Variants in PLA2R1 observed in about 807,000 individuals in gnomAD.
The protein encoded by PLA2R1 is phospholipase A2 receptor 1, also known as secretory phospholipase A2 receptor.
Under a neutral mutation model 195.9 loss-of-function variants are expected in PLA2R1, and 158 were observed. That is an observed-to-expected ratio of 0.81 (90% CI 0.71 to 0.92). PLA2R1 has a LOEUF of 0.92. PLA2R1 is among the 40% of genes least tolerant of loss of function. PLA2R1 has a pLI of 0.00. For synonymous variants in PLA2R1, 586 were observed against 598.2 expected, an observed-to-expected ratio of 0.98 and a Z score of 0.30; for missense variants, 1,626 against 1,764.6, an observed-to-expected ratio of 0.92 and a Z score of 1.41.
chr2:159,970,210 T>C lies in PLA2R1; in HGVS notation c.2598A>G (p.Leu866=), dbSNP rs781644809. 5 of 1,607,012 alleles carry C rather than the reference T, an allele frequency of 3.1e-6. No individual in the cohort carries two copies. The highest frequency in any genetic ancestry group is 1.1e-5 in the South Asian group (1 of 90,292). Residue 866 remains leucine (L), a splice_region_variant and synonymous_variant, in exon 18 of 30, where the codon CTA becomes CTG. Coordinates refer to ENST00000283243, the MANE Select transcript of PLA2R1 (RefSeq NM_007366.5). ...TCCACCAACTTGCACCATACTTTGA[T>C]AGCTATTGAAAGAAAAAAAGTCAGC... ...QEFIHSKIKA[L]SKYGASWWIG...
At chr2:160,024,841 G>A (rs1693395013) in intron 6 of PLA2R1, among the ~76,000 whole-genome samples, 1 of 152,196 alleles carries the variant, frequency 6.6e-6, no homozygotes. Flanking sequence ...TTCCCAGGGA[G>A]AGGAGTCATC....
chr2:159,976,533 T>C (rs1045400296), intron 16 of PLA2R1, 152 bp downstream of exon 16: 1 of 613,024 alleles, frequency 1.6e-6, no homozygotes, highest in Admixed American at 3.1e-5. Context: ...CTACATTTAT[T>C]AATTATTAAT....
chr2:160,042,303 G>T, intron 2 of PLA2R1, 105 bp from the exon 3 acceptor site: 1 of 892,636 alleles, frequency 1.1e-6, no homozygotes. Flanking sequence ...CCCTCTTGGG[G>T]CAGATACTCA....
At chr2:160,050,105 A>G (rs371867150) in intron 1 of PLA2R1, among the ~76,000 whole-genome samples, 6 of 152,260 alleles carry the variant, frequency 3.9e-5, no homozygotes, top group East Asian at 3.8e-4. Flanking sequence ...TGCATCCCAG[A>G]ACTTAAAACA....
At position 159,937,730 on chromosome 2, in the gene PLA2R1, C is replaced by T. The variant is rs1686900335; in HGVS notation, c.*4048G>A. 6.6e-6 allele frequency: 1 copy of T among 152,228 alleles called. No homozygotes were observed. Among genetic ancestry groups the T allele is most frequent in the Admixed American group, 6.5e-5 (1 of 15,282 alleles). 9.4% of individuals were successfully genotyped at this position (152,228 alleles called of 1,614,324 possible). ...TGAAAGTAGCACTCCAGCTGTTCCACTGTATAATACATATTAATTCAGAAT... is the reference window on the plus strand; with the variant it reads ...TGAAAGTAGCACTCCAGCTGTTCCATTGTATAATACATATTAATTCAGAAT... On this transcript the variant is annotated 3_prime_UTR_variant, in exon 30 of 30. Transcript: ENST00000283243.
At chr2:160,047,939 T>G (rs548570957) in intron 1 of PLA2R1, among the ~76,000 whole-genome samples, 395 of 152,278 alleles carry the variant, frequency 2.6e-3, no homozygotes, top group African/African-American at 9.1e-3. Context: ...GATCCTCCCA[T>G]CTCAGCCTCC....
chr2:159,994,354 AAC>A (rs1488530952), intron 11 of PLA2R1, among the ~76,000 whole-genome samples: 1 of 152,110 alleles, frequency 6.6e-6, no homozygotes, highest in Non-Finnish European at 1.5e-5. Flanking sequence ...AGGGGCAGGA[AAC>A]ACAGAGATGA....
Position 159,956,560 on chromosome 2 carries a change from C to A in PLA2R1, c.2972G>T (p.Cys991Phe). Residue 991 changes from cysteine to phenylalanine, a missense_variant, in exon 21 of 30, where the codon TGT becomes TTT. By Grantham distance (205) the Cys-to-Phe change is radical. Coordinates refer to ENST00000283243, the MANE Select transcript of PLA2R1 (RefSeq NM_007366.5). ...GACCAGGGTCCCCCCTTCTTCAGCACAGAAATGTTGAGCATGCGTCCAGTT... is the reference window on the plus strand; with the variant it reads ...GACCAGGGTCCCCCCTTCTTCAGCAAAGAAATGTTGAGCATGCGTCCAGTT... ...WKNWTHAQHFCAEEGGTLVAI... is the reference protein window; with the variant it reads ...WKNWTHAQHFFAEEGGTLVAI... The A allele has an allele frequency of 6.2e-7, 1 of 1,613,848 alleles. No individual in the cohort carries two copies. The highest frequency in any genetic ancestry group is 8.5e-7 in the Non-Finnish European group (1 of 1,179,762).
chr2:160,023,932 C>T (rs1368786997), intron 6 of PLA2R1, among the ~76,000 whole-genome samples: 1 of 133,180 alleles, frequency 7.5e-6, no homozygotes, highest in Admixed American at 8.6e-5. Flanking sequence ...CAGCTCAGAG[C>T]CAGGAGAGAC....
rs1688158628 is a variant in PLA2R1 at position 159,957,365 on chromosome 2, T to G, written c.2905-738A>C. Reference sequence around the variant, plus strand: ...AGGTTTCTTTTCTTTTCTTTTTAAATTTTTTTTGAGATGGAGTCTTGCTCT... The same window carrying G: ...AGGTTTCTTTTCTTTTCTTTTTAAAGTTTTTTTGAGATGGAGTCTTGCTCT... On this transcript the variant is annotated intron_variant, in intron 20 of 29. Coordinates refer to ENST00000283243, the MANE Select transcript of PLA2R1 (RefSeq NM_007366.5). 2.0e-5 allele frequency among the ~76,000 whole-genome samples: 3 copies of G among 152,154 alleles called. No homozygotes were observed. In the South Asian group the frequency reaches 6.2e-4, roughly 32 times the overall value.
intron 10 of PLA2R1, among the ~76,000 whole-genome samples, chr2:160,012,502 A>C (rs1692427531): frequency 6.6e-6 from 1 of 152,230 alleles, no homozygotes; most frequent in Non-Finnish European, 1.5e-5. Context: ...CAATCTAAAT[A>C]AAATAGATGG....
intron 1 of PLA2R1, among the ~76,000 whole-genome samples, chr2:160,049,298 G>A (rs1695077377): frequency 6.6e-6 from 1 of 152,128 alleles, no homozygotes; most frequent in Non-Finnish European, 1.5e-5. Context: ...TAAGGAGCGG[G>A]AGGAGAATGT....
intron 10 of PLA2R1, among the ~76,000 whole-genome samples, chr2:160,008,337 G>A (rs1169613519): frequency 2.0e-5 from 3 of 152,114 alleles, no homozygotes. Context: ...AAAAACCAGT[G>A]TGGTACTAGC....
chr2:159,943,812 T>C (rs1452457986), intron 28 of PLA2R1, among the ~76,000 whole-genome samples: 4 of 151,546 alleles, frequency 2.6e-5, no homozygotes, highest in Admixed American at 6.6e-5. Flanking sequence ...TCTTTTTTTT[T>C]TTTTTTCTCT....
At chr2:160,032,072 C>T (rs1031660010) in intron 4 of PLA2R1, among the ~76,000 whole-genome samples, 18 of 152,196 alleles carry the variant, frequency 1.2e-4, no homozygotes, top group Admixed American at 4.6e-4. Context: ...TGGCTGCTGC[C>T]ACGTTTTTAT....
Position 159,970,168 on chromosome 2 carries a change from T to C in PLA2R1, c.2640A>G (p.Glu880=), listed in dbSNP as rs1159710217. 1 of 1,608,866 alleles carries C rather than the reference T, an allele frequency of 6.2e-7. No individual in the cohort carries two copies. The change falls in exon 18 of 30, where the codon GAA becomes GAG. Residue 880 remains glutamate, a synonymous_variant. Transcript: ENST00000283243. ...CATACCGAAATTCATCATTGGCTCTTTCTTCTTGAAGTCCAATCCACCAAC... is the reference window on the plus strand; with the variant it reads ...CATACCGAAATTCATCATTGGCTCTCTCTTCTTGAAGTCCAATCCACCAAC... ...GASWWIGLQE[E]RANDEFRWRD... is the part of the protein sequence containing the mutation.
intron 11 of PLA2R1, among the ~76,000 whole-genome samples, chr2:160,004,394 C>G (rs1436628547): frequency 6.6e-6 from 1 of 152,142 alleles, no homozygotes; most frequent in East Asian, 1.9e-4. Flanking sequence ...GATTAGCAAA[C>G]CACCTTGGAC....
intron 28 of PLA2R1, among the ~76,000 whole-genome samples, chr2:159,943,153 A>G (rs4665129): frequency 0.3 from 45,205 of 151,838 alleles, 8,435 homozygotes; most frequent in Non-Finnish European, 0.41. Flanking sequence ...TATTTTTAGT[A>G]GAGATGGAGT....
intron 3 of PLA2R1, among the ~76,000 whole-genome samples, chr2:160,034,950 A>C (rs1281362712): frequency 2.6e-5 from 4 of 152,132 alleles, no homozygotes; most frequent in African/African-American, 9.7e-5. Flanking sequence ...TGACCTCGTG[A>C]TGGGTTTTGG....
Sources: gnomAD v4.1 joint callset for allele counts (sites outside exome capture counted in the v4.1 genomes callset) on GRCh38, gnomAD v4.1.1 for gene constraint, MANE v1.5 for transcripts, NCBI Gene and HGNC (gene_info 2026-07-23, HGNC 2026-07-21) for gene names.